HTR4: variants seen among roughly 807,000 people sequenced by gnomAD.
The protein encoded by HTR4 is 5-hydroxytryptamine receptor 4.
A neutral mutation model predicts 36.8 loss-of-function variants in HTR4; 16 were observed. The observed-to-expected ratio is 0.43, with a 90% CI of 0.29 to 0.66. The LOEUF is 0.66. Ranked by LOEUF, HTR4 falls within the 30% of genes least tolerant of loss-of-function variation. The pLI is 0.13. For synonymous variants in HTR4, 189 were observed against 185.1 expected (o/e 1.02, Z -0.17); for missense variants, 438 against 490.9 (o/e 0.89, Z 1.02).
intron 2 of HTR4, among the ~76,000 whole-genome samples, chr5:148,621,497 C>T (rs1465923655): frequency 6.6e-6 from 1 of 152,222 alleles, no homozygotes; most frequent in Non-Finnish European, 1.5e-5. Context: ...CTGGTCCAGA[C>T]TCTGCTAGTC....
chr5:148,594,663 A>G (rs1271527543), intron 2 of HTR4, among the ~76,000 whole-genome samples: 8 of 152,108 alleles, frequency 5.3e-5, no homozygotes, highest in Admixed American at 5.2e-4. Context: ...GTTACACAGA[A>G]CTAAGTTTAA....
chr5:148,535,949 T>C (rs545214307), intron 4 of HTR4, among the ~76,000 whole-genome samples: 3 of 151,836 alleles, frequency 2.0e-5, no homozygotes, highest in Admixed American at 1.3e-4. Context: ...TATTTTAAGA[T>C]AAAAATGAAA....
At chr5:148,460,185 C>G (rs538395863) in intron 5 of HTR4, among the ~76,000 whole-genome samples, 20 of 149,868 alleles carry the variant, frequency 1.3e-4, no homozygotes, top group Non-Finnish European at 1.9e-4. Flanking sequence ...CACAAGTATA[C>G]AAGAAAAAGA....
chr5:148,598,179 C>A (rs1004232235), intron 2 of HTR4, among the ~76,000 whole-genome samples: 2 of 151,892 alleles, frequency 1.3e-5, no homozygotes, highest in Non-Finnish European at 2.9e-5. Context: ...TGAGGAGGAG[C>A]TGAGGGAAGG....
chr5:148,579,251 A>G (rs1227723951), intron 2 of HTR4, among the ~76,000 whole-genome samples: 1 of 152,098 alleles, frequency 6.6e-6, no homozygotes, highest in African/African-American at 2.4e-5. Flanking sequence ...AGTTGCACAT[A>G]GCATATGTAA....
chr5:148,568,148 C>T (rs951751035), intron 2 of HTR4, among the ~76,000 whole-genome samples: 12 of 152,138 alleles, frequency 7.9e-5, no homozygotes, highest in African/African-American at 2.7e-4. Flanking sequence ...ATATATGTTA[C>T]ATCCAATAGA....
chr5:148,652,226 A>C (rs1754060980), intron 1 of HTR4, among the ~76,000 whole-genome samples: 1 of 152,230 alleles, frequency 6.6e-6, no homozygotes, highest in South Asian at 2.1e-4. Flanking sequence ...AAAGAAAAAC[A>C]AAATAGATTT....
chr5:148,604,920 G>A (rs1236015767), intron 2 of HTR4, among the ~76,000 whole-genome samples: 2 of 152,152 alleles, frequency 1.3e-5, no homozygotes, highest in East Asian at 3.9e-4. Flanking sequence ...CTGGACCAGT[G>A]GGGTAGGAAC....
At chr5:148,534,227 G>C (rs1410319385) in intron 4 of HTR4, among the ~76,000 whole-genome samples, 1 of 152,172 alleles carries the variant, frequency 6.6e-6, no homozygotes, top group Non-Finnish European at 1.5e-5. Flanking sequence ...GTGCATTTGG[G>C]CTGGTAACAG....
At chr5:148,453,847 CA>C (rs1273105429) in intron 5 of HTR4, among the ~76,000 whole-genome samples, 1 of 151,930 alleles carries the variant, frequency 6.6e-6, no homozygotes, top group African/African-American at 2.4e-5. Context: ...ACAGTGAGAC[CA>C]ATTAGGAGTT....
At chr5:148,534,295 G>A (rs1227340615) in intron 4 of HTR4, among the ~76,000 whole-genome samples, 1 of 152,326 alleles carries the variant, frequency 6.6e-6, no homozygotes, top group East Asian at 1.9e-4. Context: ...CATCTTTGCT[G>A]TTTTGCACTT....
downstream of HTR4, chr5:148,476,580 G>C: frequency 6.9e-7 from 1 of 1,457,302 alleles, no homozygotes; most frequent in Middle Eastern, 2.5e-4. Context: ...GGGCAAAGTG[G>C]GCTGGTACAG....
chr5:148,555,297 C>T (rs763444614), intron 2 of HTR4, among the ~76,000 whole-genome samples: 5 of 152,028 alleles, frequency 3.3e-5, no homozygotes, highest in Non-Finnish European at 5.9e-5. Context: ...AGATTCAGAG[C>T]GTCTGTGATG....
intron 5 of HTR4, among the ~76,000 whole-genome samples, chr5:148,514,247 G>A (rs745368239): frequency 6.6e-6 from 1 of 151,998 alleles, no homozygotes; most frequent in Non-Finnish European, 1.5e-5. Context: ...GTATGTCAAT[G>A]CCCTCTACTT....
chr5:148,588,588 C>T (rs1761438950), intron 2 of HTR4, among the ~76,000 whole-genome samples: 2 of 138,118 alleles, frequency 1.4e-5, no homozygotes, highest in Middle Eastern at 4.2e-3. Flanking sequence ...GGCCGGACTG[C>T]GGACTGCAGT....
intron 6 of HTR4, among the ~76,000 whole-genome samples, chr5:148,485,654 C>T (rs1445924792): frequency 6.6e-6 from 1 of 152,098 alleles, no homozygotes; most frequent in Admixed American, 6.5e-5. Context: ...AGTGGAACCC[C>T]ATGTTTTCTG....
chr5:148,583,434 T>C (rs1357788821), intron 2 of HTR4, among the ~76,000 whole-genome samples: 1 of 151,230 alleles, frequency 6.6e-6, no homozygotes, highest in Non-Finnish European at 1.5e-5. Context: ...TAAAGTATAA[T>C]AATAATAATA....
At chr5:148,643,831 G>A (rs1753797132) in intron 1 of HTR4, among the ~76,000 whole-genome samples, 1 of 152,220 alleles carries the variant, frequency 6.6e-6, no homozygotes, top group African/African-American at 2.4e-5. Flanking sequence ...GCCTTGGCAA[G>A]TGAAAGGATC....
chr5:148,641,922 A>G (rs1344140665), intron 1 of HTR4, among the ~76,000 whole-genome samples: 2 of 152,208 alleles, frequency 1.3e-5, no homozygotes, highest in Non-Finnish European at 2.9e-5. Context: ...ACATGTGAAT[A>G]GTCCCCACCT....
Sources: gnomAD v4.1 joint callset for allele counts (sites outside exome capture counted in the v4.1 genomes callset) on GRCh38, gnomAD v4.1.1 for gene constraint, MANE v1.5 for transcripts, NCBI Gene and HGNC (gene_info 2026-07-23, HGNC 2026-07-21) for gene names.